The following LRIG1 variants were observed in gnomAD, a reference collection of about 807,000 sequenced individuals.
LRIG1 encodes the protein leucine rich repeats and immunoglobulin like domains 1, also known as leucine-rich repeats and immunoglobulin-like domains protein 1.
Under a neutral mutation model 99.2 loss-of-function variants are expected in LRIG1, and 48 were observed. The ratio of observed to expected loss-of-function variants is 0.48; its 90% CI spans 0.38 to 0.62. The LOEUF is 0.62. Ranked by LOEUF, LRIG1 falls within the 20% of genes least tolerant of loss-of-function variation. The pLI is 0.00. For missense variants in LRIG1, 1,646 were observed against 1,434.4 expected (o/e 1.15, Z -2.38); for synonymous variants, 772 against 596.1 (o/e 1.29, Z -4.30).
At chr3:66,478,675 A>C (rs1700779576) in intron 1 of LRIG1, among the ~76,000 whole-genome samples, 1 of 152,152 alleles carries the variant, frequency 6.6e-6, no homozygotes, top group Non-Finnish European at 1.5e-5. Context: ...GTCTATAGGC[A>C]GTTCAGCCCG....
intron 2 of LRIG1, among the ~76,000 whole-genome samples, chr3:66,457,201 C>A (rs1455193618): frequency 6.6e-6 from 1 of 152,236 alleles, no homozygotes; most frequent in East Asian, 1.9e-4. Context: ...AGCGCCTGGG[C>A]AACACTGGAG....
At chr3:66,496,084 T>C (rs1045263173) in intron 1 of LRIG1, among the ~76,000 whole-genome samples, 3 of 152,232 alleles carry the variant, frequency 2.0e-5, no homozygotes, top group African/African-American at 7.2e-5. Flanking sequence ...ACTTAATTTT[T>C]CTTCATCTTT....
intron 1 of LRIG1, among the ~76,000 whole-genome samples, chr3:66,466,480 A>AT (rs1260819113): frequency 2.0e-5 from 3 of 151,902 alleles, no homozygotes; most frequent in Admixed American, 6.6e-5. Context: ...CAACATTGCC[A>AT]TTTTTTTTCC....
At chr3:66,472,360 G>C (rs1700621620) in intron 1 of LRIG1, among the ~76,000 whole-genome samples, 1 of 128,208 alleles carries the variant, frequency 7.8e-6, no homozygotes, top group Admixed American at 8.4e-5. Flanking sequence ...TCACAGGAAA[G>C]ATGCAAACTA....
rs538034892 is a variant in LRIG1 at position 66,418,169 on chromosome 3, G to A, written c.366-903C>T. Among the ~76,000 whole-genome samples, 10 of 152,170 alleles carry A rather than the reference G, an allele frequency of 6.6e-5. No individual in the cohort carries two copies. In the East Asian group the frequency reaches 7.7e-4, roughly 12 times the overall value. On this transcript the variant is annotated intron_variant, in intron 3 of 18. Transcript: ENST00000273261. ...TGCAGTGGCGCCATCTTGGCTCACT[G>A]CAACCTCCGCCTCCTGGGTTCAAGC...
intron 1 of LRIG1, among the ~76,000 whole-genome samples, chr3:66,483,993 A>G (rs781768072): frequency 6.6e-6 from 1 of 152,256 alleles, no homozygotes; most frequent in Non-Finnish European, 1.5e-5. Context: ...CAAAATTCAG[A>G]GAGACCAAAA....
At chr3:66,485,155 C>T (rs1390148593) in intron 1 of LRIG1, among the ~76,000 whole-genome samples, 1 of 126,292 alleles carries the variant, frequency 7.9e-6, no homozygotes, top group African/African-American at 3.2e-5. Context: ...AAGACCCTCT[C>T]AAAAAAAAAA....
At chr3:66,437,916 G>A (rs369780107) in intron 3 of LRIG1, among the ~76,000 whole-genome samples, 3 of 152,310 alleles carry the variant, frequency 2.0e-5, no homozygotes, top group East Asian at 1.9e-4. Flanking sequence ...CTTTCCTTAC[G>A]CACAATTTAG....
At chr3:66,384,553 G>A (rs1021594435) in intron 13 of LRIG1, among the ~76,000 whole-genome samples, 9 of 151,964 alleles carry the variant, frequency 5.9e-5, no homozygotes, top group East Asian at 3.9e-4. Context: ...GTGCCTATAC[G>A]GGAGTTGCAG....
chr3:66,435,184 C>T (rs1045617928), intron 3 of LRIG1, among the ~76,000 whole-genome samples: 1 of 152,154 alleles, frequency 6.6e-6, no homozygotes, highest in African/African-American at 2.4e-5. Flanking sequence ...AAGCCAATCC[C>T]AAAAGGTTAT....
intron 12 of LRIG1, among the ~76,000 whole-genome samples, chr3:66,393,443 A>T (rs1236378599): frequency 6.6e-6 from 1 of 152,244 alleles, no homozygotes; most frequent in African/African-American, 2.4e-5. Context: ...TCAGCTGTTC[A>T]GCATTTTCTG....
At chr3:66,383,432 T>C (rs768480579) in intron 14 of LRIG1, 31 bp from the exon 15 acceptor site, 1 of 1,510,784 alleles carries the variant, frequency 6.6e-7, no homozygotes, top group Non-Finnish European at 8.9e-7. Context: ...TCTTAGTCAT[T>C]CTCAGGGCCT....
Position 66,380,101 on chromosome 3 carries a change from G to C in LRIG1, c.*162C>G. On this transcript the variant is annotated 3_prime_UTR_variant, in exon 19 of 19. Coordinates refer to ENST00000273261, the MANE Select transcript of LRIG1 (RefSeq NM_015541.3). ...CTTTTGTACACAAATCCCCTCTTGC[G>C]TTTACTGTGCTTCAGATCCAAGTCC... 5.1e-6 allele frequency: 3 copies of C among 584,368 alleles called. No individual in the cohort carries two copies. The highest frequency in any genetic ancestry group is 5.9e-6 in the Non-Finnish European group (2 of 338,314). The allele number at this position is 584,368 out of a possible 1,614,324, so 36.2% of individuals were successfully genotyped here.
intron 17 of LRIG1, 130 bp downstream of exon 17, chr3:66,381,349 G>C (rs1701049843): frequency 1.2e-6 from 1 of 835,200 alleles, no homozygotes; most frequent in Admixed American, 2.5e-5. Flanking sequence ...AGCTTCCCCT[G>C]TATATACTGA....
At chr3:66,489,931 C>T (rs979144581) in intron 1 of LRIG1, among the ~76,000 whole-genome samples, 2 of 152,166 alleles carry the variant, frequency 1.3e-5, no homozygotes, top group African/African-American at 4.8e-5. Context: ...TCCATGAAAA[C>T]GTGGTCTCCT....
intron 1 of LRIG1, among the ~76,000 whole-genome samples, chr3:66,488,110 A>C (rs1701015623): frequency 6.6e-6 from 1 of 152,186 alleles, no homozygotes; most frequent in Admixed American, 6.5e-5. Flanking sequence ...TTTCCACTGA[A>C]GGCACTAACA....
At chr3:66,432,761 T>A (rs1703216835) in intron 3 of LRIG1, among the ~76,000 whole-genome samples, 1 of 152,086 alleles carries the variant, frequency 6.6e-6, no homozygotes, top group African/African-American at 2.4e-5. Flanking sequence ...CAGCTTCTCT[T>A]GATAGCACCC....
intron 3 of LRIG1, among the ~76,000 whole-genome samples, chr3:66,447,444 T>C (rs771335714): frequency 1.3e-5 from 2 of 152,188 alleles, no homozygotes; most frequent in Non-Finnish European, 2.9e-5. Flanking sequence ...GGCATTTCAA[T>C]GTGTTTTCAA....
At chr3:66,414,862 A>T in intron 5 of LRIG1, 58 bp downstream of exon 5, 1 of 1,480,146 alleles carries the variant, frequency 6.8e-7, no homozygotes, top group Non-Finnish European at 9.0e-7. Flanking sequence ...TCCTTGGGGA[A>T]ATCTGGCCTC....
Sources: allele counts gnomAD v4.1 joint callset (sites outside exome capture counted in the v4.1 genomes callset), GRCh38; gene constraint gnomAD v4.1.1; transcripts MANE v1.5; gene names NCBI Gene and HGNC (gene_info 2026-07-23, HGNC 2026-07-21).